The following CYFIP1 variants were observed in gnomAD, a reference collection of about 807,000 sequenced individuals.
The protein encoded by CYFIP1 is cytoplasmic FMR1-interacting protein 1.
Under a neutral mutation model 163.5 loss-of-function variants are expected in CYFIP1, and 58 were observed. That is an observed-to-expected ratio of 0.35 (90% CI 0.29 to 0.44). The LOEUF is 0.44. Ranked by LOEUF, CYFIP1 falls within the 20% of genes least tolerant of loss-of-function variation. CYFIP1 has a pLI of 1.00. For synonymous variants in CYFIP1, 663 were observed against 660.7 expected (o/e 1.00, Z -0.05); for missense variants, 1,338 against 1,653.8 (o/e 0.81, Z 3.31).
rs58565266 is a variant in CYFIP1 at position 22,908,518 on chromosome 15, C to CTTTTTTTTTTTT, written c.2388+664_2388+675dup. 6.9e-4 allele frequency among the ~76,000 whole-genome samples: 52 copies of CTTTTTTTTTTTT among 75,490 alleles called. 5 individuals are homozygous for CTTTTTTTTTTTT. The highest frequency in any genetic ancestry group is 2.9e-3 in the African/African-American group (48 of 16,768). The allele number at this position is 75,490 out of a possible 152,430, so 49.5% of individuals were successfully genotyped here. The stretch of plus-strand genomic sequence containing the variant: ...CTCTTGGTCCCTAAAGAAGATATTT[C>CTTTTTTTTTTTT]TTTTTTTTTTTTTTTTTTTTTTTTT... On this transcript the variant is annotated intron_variant, in intron 21 of 30. Coordinates refer to ENST00000617928, the MANE Select transcript of CYFIP1 (RefSeq NM_014608.6).
intron 13 of CYFIP1, among the ~76,000 whole-genome samples, chr15:22,923,773 T>C (rs2061264886): frequency 1.3e-5 from 2 of 151,712 alleles, no homozygotes; most frequent in African/African-American, 2.4e-5. Flanking sequence ...TGAGACCCCA[T>C]CTCTACAAAA....
intron 22 of CYFIP1, among the ~76,000 whole-genome samples, chr15:22,895,858 G>A (rs753471557): frequency 7.2e-5 from 11 of 152,194 alleles, no homozygotes; most frequent in Non-Finnish European, 1.3e-4. Flanking sequence ...GTACCCTGAG[G>A]AGCGTCCCAC....
intron 21 of CYFIP1, among the ~76,000 whole-genome samples, chr15:22,905,755 G>GT (rs11418194): frequency 0.44 from 63,606 of 146,032 alleles, 14,049 homozygotes; most frequent in Middle Eastern, 0.56. Flanking sequence ...TCTTATTTCT[G>GT]TTTTTTTTTT....
intron 13 of CYFIP1, among the ~76,000 whole-genome samples, chr15:22,920,244 A>G (rs1048450454): frequency 7.6e-6 from 1 of 131,626 alleles, no homozygotes; most frequent in African/African-American, 3.0e-5. Context: ...AGCTCACTGC[A>G]GCCTTGAACT....
chr15:22,908,260 G>A (rs1044013724), intron 21 of CYFIP1, among the ~76,000 whole-genome samples: 22 of 152,078 alleles, frequency 1.4e-4, no homozygotes, highest in Admixed American at 1.3e-4. Context: ...AGAATCCAAA[G>A]ACCCTCTGAA....
At chr15:22,877,970 C>A (rs2059632780) in intron 26 of CYFIP1, among the ~76,000 whole-genome samples, 2 of 152,234 alleles carry the variant, frequency 1.3e-5, no homozygotes, top group Admixed American at 1.3e-4. Flanking sequence ...GAGGCTCAGT[C>A]CCCAGAGGCC....
At position 22,868,085 on chromosome 15, in the gene CYFIP1, C is replaced by G. The variant is rs1170802636; in HGVS notation, c.*1943G>C. 1 of 152,254 alleles carries G rather than the reference C, an allele frequency of 6.6e-6. No individual in the cohort carries two copies. Among genetic ancestry groups the G allele is most frequent in the Admixed American group, 6.5e-5 (1 of 15,288 alleles). 9.4% of individuals were successfully genotyped at this position (152,254 alleles called of 1,614,324 possible). The stretch of plus-strand genomic sequence containing the variant: ...TACCCAGTGGTGCGCCAGCGCCAAG[C>G]CATCACTCCCCGAGGGCCTCCCCTG... On this transcript the variant is annotated 3_prime_UTR_variant, in exon 31 of 31. Coordinates refer to ENST00000617928, the MANE Select transcript of CYFIP1 (RefSeq NM_014608.6).
At chr15:22,885,910 T>C (rs961067741) in intron 23 of CYFIP1, among the ~76,000 whole-genome samples, 4 of 152,154 alleles carry the variant, frequency 2.6e-5, no homozygotes, top group Non-Finnish European at 5.9e-5. Context: ...ACTCTACCAG[T>C]ACCAATTTAC....
intron 3 of CYFIP1, among the ~76,000 whole-genome samples, chr15:22,945,517 G>T (rs1365244567): frequency 6.6e-6 from 1 of 152,022 alleles, no homozygotes; most frequent in East Asian, 1.9e-4. Flanking sequence ...GTTTCCTTTG[G>T]AAAAAATCAA....
chr15:22,980,720 CTG>C (rs28364573), upstream of CYFIP1, among the ~76,000 whole-genome samples: 950 of 152,230 alleles, frequency 6.2e-3, 29 homozygotes, highest in South Asian at 0.08. Context: ...GGGGGTTGGC[CTG>C]AGCTGCGGAA....
At position 22,928,178 on chromosome 15, in the gene CYFIP1, G is replaced by A. The variant is rs529914847; in HGVS notation, c.1111-150C>T. On this transcript the variant is annotated intron_variant, in intron 11 of 30. Transcript: ENST00000617928. ...AGGCGGGCGGATCACAAGGTCGGGA[G>A]ATCCAGACCATCCTAAAACGGTGAA... The A allele has an allele frequency of 1.0e-3, 994 of 974,072 alleles. 1 individual carries two copies. The highest frequency in any genetic ancestry group is 2.0e-3 in the Admixed American group (55 of 26,978). The allele number at this position is 974,072 out of a possible 1,614,324, so 60.3% of individuals were successfully genotyped here.
At chr15:22,966,087 A>G (rs1249307539) in intron 1 of CYFIP1, among the ~76,000 whole-genome samples, 1 of 151,904 alleles carries the variant, frequency 6.6e-6, no homozygotes, top group Non-Finnish European at 1.5e-5. Flanking sequence ...AGTGGATCAC[A>G]CCTGTAATCC....
chr15:22,964,593 G>A (rs1288116734), intron 1 of CYFIP1, among the ~76,000 whole-genome samples: 2 of 152,064 alleles, frequency 1.3e-5, no homozygotes, highest in Non-Finnish European at 1.5e-5. Flanking sequence ...AAGATGCCAC[G>A]GGCACCTGAG....
chr15:22,882,262 G>A (rs1186572050), intron 24 of CYFIP1, among the ~76,000 whole-genome samples: 1 of 152,174 alleles, frequency 6.6e-6, no homozygotes, highest in Non-Finnish European at 1.5e-5. Flanking sequence ...GCCAGCTCCA[G>A]GGTCCCCCAG....
intron 5 of CYFIP1, among the ~76,000 whole-genome samples, 194 bp downstream of exon 5, chr15:22,944,363 CA>C (rs1180384150): frequency 2.6e-5 from 4 of 151,704 alleles, no homozygotes; most frequent in African/African-American, 9.7e-5. Flanking sequence ...AAGTGAACCA[CA>C]AAAGGAGCGT....
chr15:22,885,626 G>A (rs1261777974), intron 23 of CYFIP1, among the ~76,000 whole-genome samples: 1 of 152,144 alleles, frequency 6.6e-6, no homozygotes, highest in African/African-American at 2.4e-5. Flanking sequence ...CCAGCTACTT[G>A]GGAGGCTGAG....
At chr15:22,911,860 G>A (rs535364305) in intron 18 of CYFIP1, among the ~76,000 whole-genome samples, 2 of 152,324 alleles carry the variant, frequency 1.3e-5, no homozygotes, top group East Asian at 3.9e-4. Context: ...GAGTGCAGCA[G>A]AGTGCTATTT....
chr15:22,881,720 G>A (rs976542975), intron 25 of CYFIP1, 126 bp downstream of exon 25: 4 of 829,236 alleles, frequency 4.8e-6, no homozygotes, highest in Admixed American at 4.4e-5. Context: ...CTGGTTGTAA[G>A]GTGCATTTGT....
At chr15:22,947,922 G>A in intron 1 of CYFIP1, 1 of 985,046 alleles carries the variant, frequency 1.0e-6, no homozygotes, top group Non-Finnish European at 1.2e-6. Flanking sequence ...TTCAGAGCCA[G>A]CTCCAGGGAG....
Sources: gnomAD v4.1 joint callset for allele counts (sites outside exome capture counted in the v4.1 genomes callset) on GRCh38, gnomAD v4.1.1 for gene constraint, MANE v1.5 for transcripts, NCBI Gene and HGNC (gene_info 2026-07-23, HGNC 2026-07-21) for gene names.